Variants in RAP1GAP2 observed in about 807,000 individuals in gnomAD.
RAP1GAP2 encodes rap1 GTPase-activating protein 2.
A neutral mutation model predicts 95.0 loss-of-function variants in RAP1GAP2; 27 were observed. That is an observed-to-expected ratio of 0.28 (90% CI 0.21 to 0.39). The LOEUF is 0.39. RAP1GAP2 is among the 10% of genes least tolerant of loss of function. The pLI is 1.00. For synonymous variants in RAP1GAP2, 373 were observed against 380.9 expected (o/e 0.98, Z 0.24); for missense variants, 771 against 970.0 (o/e 0.79, Z 2.72).
intron 18 of RAP1GAP2, 133 bp downstream of exon 18, chr17:3,018,331 TGA>T: frequency 1.7e-6 from 2 of 1,187,686 alleles, no homozygotes; most frequent in Non-Finnish European, 2.3e-6. Context: ...GGTGGGAAAC[TGA>T]GGCTGCTTGG....
At chr17:3,025,889 G>A (rs777222027) in intron 19 of RAP1GAP2, 119 bp from the exon 20 acceptor site, 37 of 698,548 alleles carry the variant, frequency 5.3e-5, no homozygotes, top group South Asian at 1.6e-4. Context: ...GATGCCAGGC[G>A]GGGGCGCTCT....
chr17:2,979,895 C>T (rs1331361463), intron 8 of RAP1GAP2, among the ~76,000 whole-genome samples: 1 of 151,988 alleles, frequency 6.6e-6, no homozygotes, highest in African/African-American at 2.4e-5. Context: ...AGCCAGTGTC[C>T]TATGTGCTGT....
rs72819294 is a variant in RAP1GAP2, at chr17:2,938,166, C to T, written c.166-19593C>T. Among the ~76,000 whole-genome samples, 1,682 of 152,316 alleles carry T rather than the reference C, an allele frequency of 0.011. 64 individuals carry two copies. The East Asian group carries it at 0.12, about 11-fold the overall frequency. On this transcript the variant is annotated intron_variant, in intron 3 of 24. Coordinates refer to ENST00000254695, the MANE Select transcript of RAP1GAP2 (RefSeq NM_015085.5). ...AGCACGTACGTCATGTCCTATTCTA[C>T]AGCCACTTTGCAGAGTGGCTTATAT...
chr17:2,983,144 A>T (rs961097921), intron 10 of RAP1GAP2, among the ~76,000 whole-genome samples: 6 of 152,176 alleles, frequency 3.9e-5, no homozygotes, highest in Non-Finnish European at 7.3e-5. Context: ...GCAACCTCAC[A>T]CAGGCCGCAG....
chr17:2,762,320 A>G (rs1208833872), intron 1 of RAP1GAP2, among the ~76,000 whole-genome samples: 2 of 150,862 alleles, frequency 1.3e-5, no homozygotes, highest in East Asian at 2.0e-4. Flanking sequence ...AGAAAGGACT[A>G]TTCAGATCCT....
chr17:2,931,044 C>G (rs549598252), intron 3 of RAP1GAP2, among the ~76,000 whole-genome samples: 1 of 148,134 alleles, frequency 6.8e-6, no homozygotes, highest in African/African-American at 2.5e-5. Flanking sequence ...ATCGCTTGAA[C>G]CTGGGAGGCA....
intron 19 of RAP1GAP2, 107 bp downstream of exon 19, chr17:3,020,702 G>A (rs2046931784): frequency 4.0e-6 from 4 of 999,672 alleles, no homozygotes; most frequent in Non-Finnish European, 6.0e-6. Flanking sequence ...GCTTTGCTCA[G>A]CTTTAGGAGA....
At position 3,005,880 on chromosome 17, in the gene RAP1GAP2, G is replaced by C; in HGVS notation, c.1273-75G>C. On this transcript the variant is annotated intron_variant, in intron 15 of 24. Transcript: ENST00000254695. The surrounding 1 kb of genome is among the most constrained non-coding windows in gnomAD (Gnocchi z 5.2). ...TCTCCCCATGGCCCCGGCTCTGCCT[G>C]CCTGTCACTGTGGCTGAAGACCTTC... The C allele has an allele frequency of 7.2e-7, 1 of 1,394,306 alleles. No individual in the cohort carries two copies. The highest frequency in any genetic ancestry group is 1.2e-5 in the South Asian group (1 of 86,610). 86.4% of individuals were successfully genotyped at this position (1,394,306 alleles called of 1,614,324 possible).
rs2046301315 is a variant in RAP1GAP2 at position 3,005,419 on chromosome 17, C to T, written c.1251C>T (p.Pro417=). 2 of 1,613,674 alleles carry T rather than the reference C, an allele frequency of 1.2e-6. No individual in the cohort carries two copies. The highest frequency in any genetic ancestry group is 2.2e-5 in the East Asian group (1 of 44,876). ...TGCCCACCTTTGGTCCACCTCTGCCCAGTCCCCCCGTTTTCCAGAAGGTAG... is the reference window on the plus strand; with the variant it reads ...TGCCCACCTTTGGTCCACCTCTGCCTAGTCCCCCCGTTTTCCAGAAGGTAG... ...EDVPTFGPPL[P]SPPVFQKGPE... is the part of the protein sequence containing the mutation. The change falls in exon 15 of 25, where the codon CCC becomes CCT. Residue 417 remains proline (P), a synonymous_variant. Transcript: ENST00000254695. This position sits in a 1 kb window ranked among gnomAD's most constrained non-coding sequence, Gnocchi z 5.2.
At chr17:3,026,259 G>T (rs769986685) in intron 20 of RAP1GAP2, 91 bp from the exon 21 acceptor site, 26 of 1,325,900 alleles carry the variant, frequency 2.0e-5, no homozygotes, top group South Asian at 3.8e-5. Context: ...GGGTGGGGGC[G>T]TGGGGAGCCG....
At chr17:2,911,829 C>T (rs1041495744) in intron 3 of RAP1GAP2, among the ~76,000 whole-genome samples, 5 of 152,140 alleles carry the variant, frequency 3.3e-5, no homozygotes, top group Admixed American at 6.5e-5. Context: ...CTGATTCTCT[C>T]GACGCTCATG....
chr17:2,916,767 T>C (rs1291002262), intron 3 of RAP1GAP2, among the ~76,000 whole-genome samples: 1 of 152,108 alleles, frequency 6.6e-6, no homozygotes, highest in Non-Finnish European at 1.5e-5. Context: ...ATGACAACCA[T>C]GATGAGTGAG....
intron 1 of RAP1GAP2, among the ~76,000 whole-genome samples, chr17:2,769,143 G>A (rs117453248): frequency 0.018 from 2,644 of 148,438 alleles, 42 homozygotes; most frequent in Middle Eastern, 0.065. Context: ...GAGGCGAGAG[G>A]ATTGCTTGAG....
intron 3 of RAP1GAP2, among the ~76,000 whole-genome samples, chr17:2,930,091 G>A (rs1400809909): frequency 1.3e-5 from 2 of 152,264 alleles, no homozygotes; most frequent in African/African-American, 4.8e-5. Flanking sequence ...CTGGAAGGGT[G>A]TCTGGGACTG....
chr17:2,891,243 G>A lies in RAP1GAP2; in HGVS notation c.81-14041G>A, dbSNP rs530395905. 1.4e-4 allele frequency among the ~76,000 whole-genome samples: 21 copies of A among 151,892 alleles called. No homozygotes were observed. The South Asian group carries it at 4.4e-3, about 32-fold the overall frequency. On this transcript the variant is annotated intron_variant, in intron 2 of 24. Coordinates refer to ENST00000254695, the MANE Select transcript of RAP1GAP2 (RefSeq NM_015085.5). ...GCTTACTACAGTCTTGACCTCCAGG[G>A]TTCAAGCGATCCCCCTACCTCAGCT...
At chr17:2,816,906 C>G (rs1423389318) in intron 2 of RAP1GAP2, among the ~76,000 whole-genome samples, 1 of 118,946 alleles carries the variant, frequency 8.4e-6, no homozygotes, top group Non-Finnish European at 2.0e-5. Context: ...CAGTACTTGT[C>G]CTTCTGTGTC....
intron 3 of RAP1GAP2, among the ~76,000 whole-genome samples, chr17:2,927,195 C>T (rs915985998): frequency 1.3e-5 from 2 of 151,110 alleles, no homozygotes; most frequent in Admixed American, 6.6e-5. Flanking sequence ...GCTCTGTCAC[C>T]CAGGCTGGAG....
At chr17:2,822,492 T>A (rs80202065) in intron 2 of RAP1GAP2, among the ~76,000 whole-genome samples, 4,799 of 151,908 alleles carry the variant, frequency 0.032, 173 homozygotes, top group East Asian at 0.15. Context: ...AGGTGTTGTG[T>A]GGTATGTGCC....
chr17:2,968,968 CAAT>C (rs1029146521), intron 8 of RAP1GAP2, among the ~76,000 whole-genome samples: 5 of 151,928 alleles, frequency 3.3e-5, no homozygotes, highest in African/African-American at 7.2e-5. Context: ...AAGGTAAAAT[CAAT>C]AATGATATTT....
Sources: allele counts gnomAD v4.1 joint callset (sites outside exome capture counted in the v4.1 genomes callset), GRCh38; gene constraint gnomAD v4.1.1; non-coding constraint Gnocchi (gnomAD v3.1); transcripts MANE v1.5; gene names NCBI Gene and HGNC (gene_info 2026-07-23, HGNC 2026-07-21).